The following TTC3 variants were observed in gnomAD, a reference collection of about 807,000 sequenced individuals.
TTC3 encodes E3 ubiquitin-protein ligase TTC3.
In TTC3, 180 loss-of-function variants were observed where a neutral mutation model predicts 249.6. The observed-to-expected ratio is 0.72, with a 90% confidence interval of 0.64 to 0.82. The LOEUF is 0.82. TTC3 is among the 40% of genes least tolerant of loss of function. The pLI, the probability that TTC3 is intolerant of heterozygous loss-of-function variation, is 0.00. For missense variants in TTC3, 2,061 were observed against 2,398.4 expected, an observed-to-expected ratio of 0.86 and a Z score of 2.94; for synonymous variants, 717 against 805.0, an observed-to-expected ratio of 0.89 and a Z score of 1.85.
At position 37,195,660 on chromosome 21, in the gene TTC3, G is replaced by T. The variant is rs2084814644; in HGVS notation, c.5218-15G>T. On this transcript the variant is annotated splice_polypyrimidine_tract_variant and intron_variant, in intron 41 of 45. Transcript: ENST00000355666. ...GAAGCCCTAAGTGATCCATGGTGTG[G>T]TGTGTTCCTCACAGGTTCATCCCGA... 1.3e-6 allele frequency: 2 copies of T among 1,587,930 alleles called. No individual in the cohort carries two copies. The highest frequency in any genetic ancestry group is 2.2e-5 in the East Asian group (1 of 44,664).
At position 37,153,245 on chromosome 21, in the gene TTC3, T is replaced by A; in HGVS notation, c.2708T>A (p.Leu903Ter). ...GAGCTTAAAGAAGTGGAGCCCAAATTAGCCGCCTGGATCCAAAAACTTAAT... is the reference window on the plus strand; with the variant it reads ...GAGCTTAAAGAAGTGGAGCCCAAATAAGCCGCCTGGATCCAAAAACTTAAT... Residue 903 changes from leucine to a stop codon, truncating the protein, a stop_gained, in exon 27 of 46, where the codon TTA (leucine) becomes TAA (stop). Transcript: ENST00000355666. LOFTEE classifies it high-confidence loss of function. The A allele has an allele frequency of 6.2e-7, 1 of 1,613,392 alleles. No homozygotes were observed. The highest frequency in any genetic ancestry group is 8.5e-7 in the Non-Finnish European group (1 of 1,179,820).
intron 10 of TTC3, chr21:37,097,908 T>C: frequency 1.4e-6 from 1 of 707,412 alleles, no homozygotes; most frequent in Non-Finnish European, 2.6e-6. Context: ...TCTTTTATTG[T>C]AAACAGAACA....
chr21:37,109,627 C>T (rs1190514990), intron 11 of TTC3, among the ~76,000 whole-genome samples: 1 of 152,252 alleles, frequency 6.6e-6, no homozygotes, highest in Non-Finnish European at 1.5e-5. Flanking sequence ...TAGGCTCCAC[C>T]TCTGGGGGCA....
chr21:37,155,982 C>T (rs923435118), intron 27 of TTC3, among the ~76,000 whole-genome samples: 1 of 151,322 alleles, frequency 6.6e-6, no homozygotes, highest in African/African-American at 2.4e-5. Flanking sequence ...TAAAATCTTG[C>T]TAGTTTATAC....
intron 20 of TTC3, 147 bp from the exon 21 acceptor site, chr21:37,144,378 A>C (rs2078796796): frequency 1.1e-6 from 1 of 946,176 alleles, no homozygotes; most frequent in African/African-American, 1.7e-5. Flanking sequence ...TGTTTTTTTA[A>C]AGAAAATTTA....
chr21:37,160,881 A>G, intron 30 of TTC3, 23 bp downstream of exon 30: 1 of 1,608,236 alleles, frequency 6.2e-7, no homozygotes, highest in Non-Finnish European at 8.5e-7. Context: ...TTCTGTATTA[A>G]TTCTTGTCTA....
At chr21:37,190,500 G>A (rs1311462005) in intron 39 of TTC3, among the ~76,000 whole-genome samples, 1 of 152,042 alleles carries the variant, frequency 6.6e-6, no homozygotes, top group Non-Finnish European at 1.5e-5. Flanking sequence ...GTAAAATGCT[G>A]ATTTAGAATA....
At chr21:37,163,175 G>A (rs1326391487) in intron 31 of TTC3, among the ~76,000 whole-genome samples, 1 of 152,180 alleles carries the variant, frequency 6.6e-6, no homozygotes, top group East Asian at 1.9e-4. Flanking sequence ...TAGGAGGTAA[G>A]TGCTATTATA....
intron 1 of TTC3, chr21:37,082,378 A>T (rs1052433952): frequency 1.6e-5 from 9 of 545,644 alleles, no homozygotes; most frequent in Non-Finnish European, 2.1e-5. Flanking sequence ...TGTAGCTGTC[A>T]CCTCATGTGT....
At chr21:37,187,653 A>G (rs1423235096) in intron 38 of TTC3, 1 of 152,338 alleles carries the variant, frequency 6.6e-6, no homozygotes. Flanking sequence ...AGTTCCAGAA[A>G]CATGATTCTC....
rs1568978484 is a variant in TTC3 at position 37,122,417 on chromosome 21, A to AT, written c.1063+439dup. On this transcript the variant is annotated intron_variant, in intron 12 of 45. Transcript: ENST00000355666. ...TGCAGCGTGCTGAATATATATATAT[A>AT]TAATATATATATATATATATTATAT... is the stretch of plus-strand genomic sequence containing the variant. Among the ~76,000 whole-genome samples, 180 of 131,894 alleles carry AT rather than the reference A, an allele frequency of 1.4e-3. 4 individuals carry two copies. Among genetic ancestry groups the AT allele is most frequent in the African/African-American group, 5.4e-3 (176 of 32,680 alleles). The allele number at this position is 131,894 out of a possible 152,430, so 86.5% of individuals were successfully genotyped here.
At chr21:37,122,918 C>G in intron 12 of TTC3, 65 bp from the exon 13 acceptor site, 1 of 1,557,082 alleles carries the variant, frequency 6.4e-7, no homozygotes. Flanking sequence ...AATTTGAAAT[C>G]TTTTAAAGTC....
intron 21 of TTC3, among the ~76,000 whole-genome samples, chr21:37,147,198 A>G (rs2079053581): frequency 6.6e-6 from 1 of 152,228 alleles, no homozygotes; most frequent in Non-Finnish European, 1.5e-5. Context: ...GCTGTAAATT[A>G]TAAAATGCGA....
intron 11 of TTC3, among the ~76,000 whole-genome samples, chr21:37,109,455 C>T (rs1198833320): frequency 2.0e-5 from 3 of 152,192 alleles, no homozygotes; most frequent in Admixed American, 1.3e-4. Flanking sequence ...CATGGAGCCT[C>T]GCTCATTGCT....
intron 1 of TTC3, among the ~76,000 whole-genome samples, chr21:37,078,003 G>C (rs913050207): frequency 6.6e-6 from 1 of 152,002 alleles, no homozygotes; most frequent in Admixed American, 6.6e-5. Context: ...AATTTATCTG[G>C]AATTGATTTT....
At chr21:37,150,005 A>G (rs1397080486) in intron 23 of TTC3, 73 bp from the exon 24 acceptor site, 3 of 1,095,480 alleles carry the variant, frequency 2.7e-6, no homozygotes, top group Non-Finnish European at 4.0e-6. Flanking sequence ...AGTGGTAAAA[A>G]TAGTATACGT....
intron 34 of TTC3, among the ~76,000 whole-genome samples, chr21:37,168,344 C>T (rs2081426231): frequency 6.6e-6 from 1 of 152,056 alleles, no homozygotes; most frequent in South Asian, 2.1e-4. Context: ...ATGTGAGTAT[C>T]ATTATTTACA....
chr21:37,085,876 G>C (rs1050904521), intron 1 of TTC3: 3 of 152,330 alleles, frequency 2.0e-5, no homozygotes, highest in African/African-American at 7.2e-5. Context: ...TGTAGTAAAA[G>C]AGAGTGTTTG....
At chr21:37,137,791 G>A (rs1483351023) in intron 18 of TTC3, among the ~76,000 whole-genome samples, 1 of 152,164 alleles carries the variant, frequency 6.6e-6, no homozygotes, top group Non-Finnish European at 1.5e-5. Flanking sequence ...CAGTATGACA[G>A]ACTTCATTGT....
Sources: gnomAD v4.1 joint callset for allele counts (sites outside exome capture counted in the v4.1 genomes callset) on GRCh38, gnomAD v4.1.1 for gene constraint, MANE v1.5 for transcripts, NCBI Gene and HGNC (gene_info 2026-07-23, HGNC 2026-07-21) for gene names.